Variants in GORASP2 observed in about 807,000 individuals in gnomAD.
The protein encoded by GORASP2 is Golgi reassembly-stacking protein 2.
GORASP2 carries 22 observed loss-of-function variants against 45.7 expected under a neutral mutation model. That is an observed-to-expected ratio of 0.48 (90% CI 0.34 to 0.69). The LOEUF is 0.69. Ranked by LOEUF, GORASP2 falls within the 30% of genes least tolerant of loss-of-function variation. GORASP2 has a pLI of 0.01. For missense variants in GORASP2, 491 were observed against 562.7 expected, an observed-to-expected ratio of 0.87 and a Z score of 1.29; for synonymous variants, 221 against 215.6, an observed-to-expected ratio of 1.02 and a Z score of -0.22.
chr2:170,964,571 T>C (rs1704643824), intron 9 of GORASP2, among the ~76,000 whole-genome samples: 1 of 152,146 alleles, frequency 6.6e-6, no homozygotes, highest in East Asian at 1.9e-4. Context: ...GAGAATCGCT[T>C]GAACCCAGGA....
chr2:170,941,712 A>G (rs1236537458), intron 1 of GORASP2, among the ~76,000 whole-genome samples: 1 of 152,182 alleles, frequency 6.6e-6, no homozygotes, highest in Non-Finnish European at 1.5e-5. Context: ...TCATGTCATT[A>G]ATGTATTTGG....
rs750629031 is a variant in GORASP2 at position 170,956,404 on chromosome 2, A to C, written c.700-32A>C. ...TATTTTCTTTGAAATAAACTTAAGT[A>C]ATCTTTGTGTTTTTTTTTCTTTTTT... is the stretch of plus-strand genomic sequence containing the variant. On this transcript the variant is annotated intron_variant, in intron 6 of 9. Coordinates refer to ENST00000234160, the MANE Select transcript of GORASP2 (RefSeq NM_015530.5). 8 of 1,566,118 alleles carry C rather than the reference A, an allele frequency of 5.1e-6. No individual in the cohort carries two copies. In the Admixed American group the frequency reaches 9.7e-5, roughly 19 times the overall value.
intron 1 of GORASP2, among the ~76,000 whole-genome samples, chr2:170,935,946 T>G (rs1703940454): frequency 6.6e-6 from 1 of 152,154 alleles, no homozygotes; most frequent in Admixed American, 6.5e-5. Flanking sequence ...GGATTCTCAC[T>G]GGGGGAGATC....
In GORASP2 at chr2:170,929,300, C is replaced by G. The variant is rs1460314590; in HGVS notation, c.-41C>G. 7.5e-7 allele frequency: 1 copy of G among 1,327,566 alleles called. No individual in the cohort carries two copies. Among genetic ancestry groups the G allele is most frequent in the Non-Finnish European group, 9.6e-7 (1 of 1,037,362 alleles). The allele number at this position is 1,327,566 out of a possible 1,614,324, so 82.2% of individuals were successfully genotyped here. On this transcript the variant is annotated 5_prime_UTR_variant, in exon 1 of 10. Coordinates refer to ENST00000234160, the MANE Select transcript of GORASP2 (RefSeq NM_015530.5). ...GCAGGCGGTGCGCTGGGGGCGGGAG[C>G]AGCGCGGAGCCCGGCTCGGCCACAC...
At chr2:170,940,039 G>A (rs1351867322) in intron 1 of GORASP2, among the ~76,000 whole-genome samples, 2 of 152,048 alleles carry the variant, frequency 1.3e-5, no homozygotes, top group South Asian at 4.1e-4. Context: ...GTCATTCAAT[G>A]GGGCTTTTCT....
intron 1 of GORASP2, among the ~76,000 whole-genome samples, chr2:170,943,575 A>G (rs535444947): frequency 6.6e-6 from 1 of 152,364 alleles, no homozygotes; most frequent in Non-Finnish European, 1.5e-5. Flanking sequence ...TACCAAGCTC[A>G]CACAGCTAAT....
Position 170,956,423 on chromosome 2 carries a change from C to CT in GORASP2, c.700-6dup. 8 of 1,564,368 alleles carry CT rather than the reference C, an allele frequency of 5.1e-6. No individual in the cohort carries two copies. Among genetic ancestry groups the CT allele is most frequent in the Non-Finnish European group, 6.9e-6 (8 of 1,163,542 alleles). ...TTAAGTAATCTTTGTGTTTTTTTTT[C>CT]TTTTTTTGGAAGGTCCAGCTGTCCT... is the stretch of plus-strand genomic sequence containing the variant. On this transcript the variant is annotated splice_polypyrimidine_tract_variant and intron_variant, in intron 6 of 9. Coordinates refer to ENST00000234160, the MANE Select transcript of GORASP2 (RefSeq NM_015530.5).
intron 1 of GORASP2, among the ~76,000 whole-genome samples, chr2:170,934,779 C>T (rs1005768772): frequency 2.0e-5 from 3 of 151,920 alleles, no homozygotes; most frequent in African/African-American, 7.3e-5. Context: ...GCTCTGTTGC[C>T]ACGGCTGGAG....
At chr2:170,949,982 G>C in intron 3 of GORASP2, 3 of 534,918 alleles carry the variant, frequency 5.6e-6, no homozygotes, top group Admixed American at 3.5e-5. Flanking sequence ...AGATGTGTTA[G>C]AGTAGATAGC....
chr2:170,965,909 T>C lies in GORASP2; in HGVS notation c.1138T>C (p.Ser380Pro). 6.2e-7 allele frequency: 1 copy of C among 1,613,424 alleles called. No homozygotes were observed. The highest frequency in any genetic ancestry group is 8.5e-7 in the Non-Finnish European group (1 of 1,179,586). The change falls in exon 10 of 10, where the codon TCA becomes CCA. Residue 380 changes from serine to proline, a missense_variant. Physicochemically the swap from Ser to Pro is moderately conservative, Grantham distance 74. Around this residue, in one of 2 missense-constraint regions of GORASP2, gnomAD observed 297 missense variants for 292.3 expected, o/e 1.02. Coordinates refer to ENST00000234160, the MANE Select transcript of GORASP2 (RefSeq NM_015530.5). Reference protein sequence around the residue: ...LVPESSSAASSGELLSSLPPT... With the variant: ...LVPESSSAASPGELLSSLPPT... ...TCCAGAGAGCTCTTCTGCAGCAAGC[T>C]CAGGAGAGCTGCTGTCTTCCCTCCC...
At position 170,962,852 on chromosome 2, in the gene GORASP2, A is replaced by G; in HGVS notation, c.924A>G (p.Leu308=). Residue 308 remains leucine (L), a synonymous_variant, in exon 9 of 10, where the codon TTA becomes TTG. Transcript: ENST00000234160. ...PATTLPGLMP[L]PAGLPNLPNL... The stretch of plus-strand genomic sequence containing the variant: ...CCTTCTCTTCAGGTCTGATGCCTTT[A>G]CCAGCAGGACTGCCCAACCTCCCCA... 6.2e-7 allele frequency: 1 copy of G among 1,612,842 alleles called. No homozygotes were observed.
chr2:170,936,255 C>G (rs1037858046), intron 1 of GORASP2, among the ~76,000 whole-genome samples: 1 of 114,468 alleles, frequency 8.7e-6, no homozygotes, highest in Non-Finnish European at 1.7e-5. Flanking sequence ...GAAGCAGGGT[C>G]GCACTCTGTC....
chr2:170,958,928 C>A (rs185569283), intron 7 of GORASP2, among the ~76,000 whole-genome samples: 212 of 152,142 alleles, frequency 1.4e-3, no homozygotes, highest in African/African-American at 4.8e-3. Flanking sequence ...CCTCTGCTGC[C>A]CCAAGTGCTG....
At position 170,954,774 on chromosome 2, in the gene GORASP2, T is replaced by G. The variant is rs1303634937; in HGVS notation, c.691T>G (p.Phe231Val). 1 of 1,611,136 alleles carries G rather than the reference T, an allele frequency of 6.2e-7. No individual in the cohort carries two copies. The highest frequency in any genetic ancestry group is 2.2e-5 in the East Asian group (1 of 44,870). ...ACCTATTACACCTCTTAAAGATGGG[T>G]TTACAGAGGTAAGATCACGTTCCTA... is the stretch of plus-strand genomic sequence containing the variant. ...GTPITPLKDG[F>V]TEVQLSSVNP... The change falls in exon 6 of 10, where the codon TTT becomes GTT. Residue 231 changes from phenylalanine (F) to valine (V), a missense_variant. By Grantham distance (50) the Phe-to-Val change is conservative. Coordinates refer to ENST00000234160, the MANE Select transcript of GORASP2 (RefSeq NM_015530.5).
rs948650907 is a variant in GORASP2 at position 170,956,471 on chromosome 2, A to G, written c.735A>G (p.Ser245=). ...QLSSVNPPSL[S]PPGTTGIEQS... The stretch of plus-strand genomic sequence containing the variant: ...CCTCAGTTAATCCCCCGTCTTTGTC[A>G]CCACCAGGAACTACAGGAATTGAAC... Residue 245 remains serine (S), a synonymous_variant, in exon 7 of 10, where the codon TCA becomes TCG. Transcript: ENST00000234160. 6 of 1,612,968 alleles carry G rather than the reference A, an allele frequency of 3.7e-6. No homozygotes were observed. The highest frequency in any genetic ancestry group is 5.1e-6 in the Non-Finnish European group (6 of 1,179,496).
At position 170,965,869 on chromosome 2, in the gene GORASP2, G is replaced by A. The variant is rs748218964; in HGVS notation, c.1098G>A (p.Pro366=). 28 of 1,613,692 alleles carry A rather than the reference G, an allele frequency of 1.7e-5. No individual in the cohort carries two copies. Among genetic ancestry groups the A allele is most frequent in the African/African-American group, 9.4e-5 (7 of 74,818 alleles). The change falls in exon 10 of 10, where the codon CCG becomes CCA. Residue 366 remains proline, a synonymous_variant. Coordinates refer to ENST00000234160, the MANE Select transcript of GORASP2 (RefSeq NM_015530.5). ...TCCCCCTGCCATCCGAGTTCCTCCC[G>A]TCATTCCCCTTGGTTCCAGAGAGCT... ...APLPLPSEFL[P]SFPLVPESSS...
chr2:170,964,892 ATTTTTTTTT>A (rs1199571345), intron 9 of GORASP2, among the ~76,000 whole-genome samples: 1 of 64,702 alleles, frequency 1.5e-5, no homozygotes, highest in African/African-American at 5.7e-5. Context: ...ATGCATTTTA[ATTTTTTTTT>A]TTTTTTTTTT....
chr2:170,929,290 G>A lies in GORASP2; in HGVS notation c.-51G>A. ...GAGGATTAGAGCAGGCGGTGCGCTG[G>A]GGGCGGGAGCAGCGCGGAGCCCGGC... On this transcript the variant is annotated 5_prime_UTR_variant, in exon 1 of 10. Transcript: ENST00000234160. The A allele has an allele frequency of 3.8e-6, 5 of 1,301,646 alleles. No individual in the cohort carries two copies. The highest frequency in any genetic ancestry group is 3.1e-5 in the East Asian group (1 of 31,950). 80.6% of individuals were successfully genotyped at this position (1,301,646 alleles called of 1,614,324 possible). A position where few individuals can be genotyped will look rare whatever the true frequency, so the allele number is the denominator to read the frequency against.
intron 1 of GORASP2, among the ~76,000 whole-genome samples, chr2:170,944,266 A>G (rs2105317503): frequency 6.6e-6 from 1 of 152,244 alleles, no homozygotes; most frequent in Admixed American, 6.5e-5. Context: ...TGTAGATCAT[A>G]TTTTCCATGC....
Sources: gnomAD v4.1 joint callset for allele counts (sites outside exome capture counted in the v4.1 genomes callset) on GRCh38, gnomAD v4.1.1 for gene constraint, gnomAD v4.1.1 regional missense constraint, MANE v1.5 for transcripts, NCBI Gene and HGNC (gene_info 2026-07-23, HGNC 2026-07-21) for gene names.